MLIP: variants seen among roughly 807,000 people sequenced by gnomAD.
The protein encoded by MLIP is muscular LMNA interacting protein, also known as muscular LMNA-interacting protein.
A neutral mutation model predicts 84.8 loss-of-function variants in MLIP; 79 were observed. The observed-to-expected ratio is 0.93, with a 90% confidence interval of 0.78 to 1.12. The LOEUF (loss-of-function observed/expected upper bound fraction) is 1.12, where lower values mean the gene tolerates loss of function less well. Ranked by LOEUF, MLIP falls within the 50% of genes most tolerant of loss-of-function variation. The pLI is 0.00. For missense variants in MLIP, 1,257 were observed against 1,160.6 expected (o/e 1.08, Z -1.21); for synonymous variants, 504 against 463.0 (o/e 1.09, Z -1.14).
At chr6:54,109,278 A>C (rs2150402688), upstream of MLIP, among the ~76,000 whole-genome samples, 1 of 152,182 alleles carries the variant, frequency 6.6e-6, no homozygotes. Flanking sequence ...TAAAACTAGA[A>C]AACAACAATA....
intron 1 of MLIP, among the ~76,000 whole-genome samples, chr6:54,101,735 G>A (rs545507547): frequency 6.6e-6 from 1 of 152,170 alleles, no homozygotes; most frequent in South Asian, 2.1e-4. Flanking sequence ...TGCTCATGTT[G>A]TACTATCCAT....
At chr6:54,222,037 T>C (rs997433626) in intron 11 of MLIP, among the ~76,000 whole-genome samples, 2 of 152,164 alleles carry the variant, frequency 1.3e-5, no homozygotes, top group East Asian at 3.9e-4. Context: ...AATTTCTGTG[T>C]TTTACTTTTT....
chr6:54,264,864 C>T (rs1435111685), intron 13 of MLIP, among the ~76,000 whole-genome samples: 1 of 152,006 alleles, frequency 6.6e-6, no homozygotes, highest in African/African-American at 2.4e-5. Context: ...ATGAGCCACC[C>T]CTTTGTTAGT....
At chr6:54,262,514 G>A (rs971230418) in intron 13 of MLIP, among the ~76,000 whole-genome samples, 2 of 152,006 alleles carry the variant, frequency 1.3e-5, no homozygotes, top group Admixed American at 6.6e-5. Flanking sequence ...CTTTACACAA[G>A]GTAAAGTAAA....
chr6:54,182,136 C>T (rs754819131), intron 9 of MLIP, among the ~76,000 whole-genome samples: 2 of 152,114 alleles, frequency 1.3e-5, no homozygotes, highest in African/African-American at 2.4e-5. Context: ...GCCTAGAATC[C>T]CAGAGCACTT....
intron 1 of MLIP, among the ~76,000 whole-genome samples, chr6:54,032,006 C>G (rs1185285396): frequency 1.3e-5 from 2 of 152,084 alleles, no homozygotes; most frequent in Non-Finnish European, 2.9e-5. Context: ...GGCAGTCTCC[C>G]GTCACTTAGC....
chr6:54,026,797 C>T (rs1484028877), intron 1 of MLIP, among the ~76,000 whole-genome samples: 2 of 151,696 alleles, frequency 1.3e-5, no homozygotes, highest in African/African-American at 4.8e-5. Flanking sequence ...CCCTAAGTGC[C>T]AACTAGTATG....
At chr6:54,190,311 G>A (rs1582451309) in intron 10 of MLIP, among the ~76,000 whole-genome samples, 1 of 152,180 alleles carries the variant, frequency 6.6e-6, no homozygotes, top group Non-Finnish European at 1.5e-5. Flanking sequence ...ATGTCACACA[G>A]GAGAATTAGC....
chr6:54,098,843 G>A (rs1472051459), intron 1 of MLIP, among the ~76,000 whole-genome samples: 1 of 152,072 alleles, frequency 6.6e-6, no homozygotes, highest in East Asian at 1.9e-4. Context: ...AACCTTATGC[G>A]GTAGCTACTC....
At position 54,163,755 on chromosome 6, in the gene MLIP, T is replaced by C. The variant is rs377263703; in HGVS notation, c.2499+2956T>C. Reference sequence around the variant, plus strand: ...TTTATCTTTCCTTTGTTTGGATACTTATTTCTGATTTAGATCCTTATTTTG... The same window carrying C: ...TTTATCTTTCCTTTGTTTGGATACTCATTTCTGATTTAGATCCTTATTTTG... On this transcript the variant is annotated intron_variant, in intron 8 of 13. Coordinates refer to ENST00000502396, the MANE Select transcript of MLIP (RefSeq NM_001281747.2). 2.0e-4 allele frequency among the ~76,000 whole-genome samples: 31 copies of C among 152,126 alleles called. 2 individuals carry two copies. The South Asian group carries it at 6.2e-3, about 30-fold the overall frequency.
At chr6:54,166,372 T>C (rs376695922) in intron 8 of MLIP, among the ~76,000 whole-genome samples, 21 of 152,022 alleles carry the variant, frequency 1.4e-4, no homozygotes, top group African/African-American at 5.1e-4. Context: ...CAATTCCTTT[T>C]CTCCAGTTTC....
chr6:54,125,789 G>A (rs1554157876), intron 3 of MLIP, among the ~76,000 whole-genome samples: 1 of 152,096 alleles, frequency 6.6e-6, no homozygotes, highest in Non-Finnish European at 1.5e-5. Context: ...TCAACCCAAA[G>A]TAGTTTAAAG....
intron 11 of MLIP, among the ~76,000 whole-genome samples, chr6:54,228,173 A>G (rs1382742443): frequency 8.7e-6 from 1 of 114,434 alleles, no homozygotes; most frequent in Non-Finnish European, 1.8e-5. Context: ...ACAGAGGGAG[A>G]CTGTCTCAAA....
At chr6:54,106,387 G>A (rs777106115) in intron 1 of MLIP, among the ~76,000 whole-genome samples, 14 of 152,028 alleles carry the variant, frequency 9.2e-5, no homozygotes, top group Admixed American at 3.9e-4. Flanking sequence ...ACAGGGATAC[G>A]GATGGTTCAT....
rs546186495 is a variant in MLIP at position 54,138,395 on chromosome 6, A to G, written c.2217+109A>G. On this transcript the variant is annotated intron_variant, in intron 4 of 13. Transcript: ENST00000502396. ...TTATAGTATTAATTGTACTCCTACA[A>G]GGAGGAAGAAAAAGTGCAAGACGGT... 3 of 1,299,884 alleles carry G rather than the reference A, an allele frequency of 2.3e-6. No individual in the cohort carries two copies. In the African/African-American group the frequency reaches 4.5e-5, roughly 19 times the overall value. The allele number at this position is 1,299,884 out of a possible 1,614,324, so 80.5% of individuals were successfully genotyped here. A position where few individuals can be genotyped will look rare whatever the true frequency, so the allele number is the denominator to read the frequency against.
intron 1 of MLIP, among the ~76,000 whole-genome samples, chr6:54,050,943 TC>T (rs1353300164): frequency 7.2e-5 from 11 of 152,202 alleles, no homozygotes; most frequent in African/African-American, 2.7e-4. Flanking sequence ...CTTTCTGTCC[TC>T]ATGCTGTTTA....
At chr6:54,109,186 T>C (rs991189847), upstream of MLIP, among the ~76,000 whole-genome samples, 1 of 149,444 alleles carries the variant, frequency 6.7e-6, no homozygotes, top group Non-Finnish European at 1.5e-5. Context: ...AGCTAAAACA[T>C]CTTAATTCAA....
At chr6:54,202,073 GT>G in intron 10 of MLIP, 31 bp from the exon 11 acceptor site, 1 of 1,440,452 alleles carries the variant, frequency 6.9e-7, no homozygotes, top group Non-Finnish European at 9.2e-7. Context: ...TTTTTTTCCT[GT>G]TTTTAAAATA....
chr6:54,153,713 A>T (rs1481487516), intron 5 of MLIP, among the ~76,000 whole-genome samples: 2 of 151,446 alleles, frequency 1.3e-5, no homozygotes, highest in African/African-American at 4.8e-5. Flanking sequence ...TTAACTGGGT[A>T]TGGTGGCAGA....
Sources: gnomAD v4.1 joint callset for allele counts (sites outside exome capture counted in the v4.1 genomes callset) on GRCh38, gnomAD v4.1.1 for gene constraint, MANE v1.5 for transcripts, NCBI Gene and HGNC (gene_info 2026-07-23, HGNC 2026-07-21) for gene names.